FAM171A1: variants seen among roughly 807,000 people sequenced by gnomAD.
The protein encoded by FAM171A1 is family with sequence similarity 171 member A1.
A neutral mutation model predicts 74.9 loss-of-function variants in FAM171A1; 23 were observed. That is an observed-to-expected ratio of 0.31 (90% CI 0.22 to 0.44). FAM171A1 has a LOEUF of 0.44. Ranked by LOEUF, FAM171A1 falls within the 20% of genes least tolerant of loss-of-function variation. The pLI is 1.00. For synonymous variants in FAM171A1, 527 were observed against 505.7 expected (o/e 1.04, Z -0.57); for missense variants, 1,162 against 1,159.2 (o/e 1.00, Z -0.03).
intron 4 of FAM171A1, among the ~76,000 whole-genome samples, chr10:15,251,402 A>ATT (rs1258921347): frequency 9.9e-4 from 131 of 132,472 alleles, no homozygotes; most frequent in South Asian, 3.4e-3. Context: ...TTCTGCAACG[A>ATT]TTTTTTTTTT....
At chr10:15,291,227 A>G (rs866142361) in intron 1 of FAM171A1, among the ~76,000 whole-genome samples, 1 of 152,176 alleles carries the variant, frequency 6.6e-6, no homozygotes, top group Admixed American at 6.5e-5. Context: ...AATTCAATTT[A>G]TAACTGTGAG....
rs763867540 is a variant in FAM171A1, at chr10:15,213,563, G to A, written c.2025C>T (p.Asp675=). ...ESLSIPASLN[D]AALAQMNSEV... ...CACTGTTCATCTGAGCCAAAGCCGC[G>A]TCGTTCAGGGAAGCTGGGATGGAGA... The change falls in exon 8 of 8, where the codon GAC becomes GAT. Residue 675 remains aspartate (D), a synonymous_variant. Transcript: ENST00000378116. The surrounding 1 kb of genome is among the most constrained non-coding windows in gnomAD (Gnocchi z 6.8). 7.4e-6 allele frequency: 12 copies of A among 1,614,044 alleles called. No homozygotes were observed. The highest frequency in any genetic ancestry group is 3.3e-5 in the Admixed American group (2 of 60,012).
At chr10:15,229,527 CT>C (rs71390022) in intron 5 of FAM171A1, among the ~76,000 whole-genome samples, 35,770 of 129,812 alleles carry the variant, frequency 0.28, 5,356 homozygotes, top group Non-Finnish European at 0.32. Context: ...TGTCACCCCC[CT>C]CACCATCATC....
intron 2 of FAM171A1, among the ~76,000 whole-genome samples, chr10:15,282,590 A>C (rs1401439941): frequency 6.6e-6 from 1 of 152,162 alleles, no homozygotes; most frequent in Non-Finnish European, 1.5e-5. Flanking sequence ...ACGACAATTG[A>C]CTGATGGGCT....
At chr10:15,349,288 C>G (rs1835852262) in intron 1 of FAM171A1, among the ~76,000 whole-genome samples, 1 of 152,200 alleles carries the variant, frequency 6.6e-6, no homozygotes, top group Admixed American at 6.5e-5. Context: ...CCACCTGGAA[C>G]AGCAATCTTG....
At chr10:15,330,710 CTTCTTTTTTT>C (rs1179154288) in intron 1 of FAM171A1, among the ~76,000 whole-genome samples, 1 of 69,514 alleles carries the variant, frequency 1.4e-5, no homozygotes, top group Non-Finnish European at 2.9e-5. Context: ...TTTTCTTCTT[CTTCTTTTTTT>C]TTTTTTTTTT....
intron 5 of FAM171A1, chr10:15,241,377 T>A (rs979973963): frequency 2.0e-5 from 3 of 152,206 alleles, no homozygotes; most frequent in African/African-American, 7.2e-5. Flanking sequence ...TAAATTTTTT[T>A]ATTTTTTTCT....
rs1467055457 is a variant in FAM171A1 at position 15,246,303 on chromosome 10, T to C, written c.754+2336A>G. ...AATCAATGCATTCCACACAAATAAT[T>C]ACAGTGTCTCTATTAATTATTTGGA... On this transcript the variant is annotated intron_variant, in intron 5 of 7. Transcript: ENST00000378116. Among the ~76,000 whole-genome samples, 7 of 152,266 alleles carry C rather than the reference T, an allele frequency of 4.6e-5. No individual in the cohort carries two copies. In the East Asian group the frequency reaches 9.6e-4, roughly 21 times the overall value.
chr10:15,298,320 G>T (rs964693889), intron 1 of FAM171A1, among the ~76,000 whole-genome samples: 1 of 152,064 alleles, frequency 6.6e-6, no homozygotes, highest in Non-Finnish European at 1.5e-5. Context: ...TTTTAGTAGG[G>T]ACAGGGTTTC....
chr10:15,242,311 T>C (rs1487731837), intron 5 of FAM171A1, among the ~76,000 whole-genome samples: 2 of 152,188 alleles, frequency 1.3e-5, no homozygotes, highest in East Asian at 1.9e-4. Context: ...CTATTGAGTA[T>C]AATAAGTGAA....
chr10:15,343,638 C>T (rs1027527282), intron 1 of FAM171A1, among the ~76,000 whole-genome samples: 3 of 151,918 alleles, frequency 2.0e-5, no homozygotes, highest in African/African-American at 4.8e-5. Flanking sequence ...GGCAGGGTGG[C>T]GAAGGAGTGA....
intron 1 of FAM171A1, among the ~76,000 whole-genome samples, chr10:15,351,576 G>GATGGATGGATGGATGGATGA (rs1835877823): frequency 6.6e-6 from 1 of 150,674 alleles, no homozygotes; most frequent in Non-Finnish European, 1.5e-5. Flanking sequence ...ACGATGGATG[G>GATGGATGGATGGATGGATGA]ATGGATGGAT....
Position 15,284,014 on chromosome 10 carries a change from T to C in FAM171A1, c.189A>G (p.Ile63Met). The part of the protein sequence containing the change: ...LIEIFTNQAS[I>M]ASGTSGTDGV... ...CATCAGTCCCCGAGGTGCCAGAGGC[T>C]ATGGAGGCCTGGTTGGTGAAGATCT... Residue 63 changes from isoleucine (I) to methionine (M), a missense_variant, in exon 2 of 8, where the codon ATA becomes ATG. Transcript: ENST00000378116. 1 of 1,614,126 alleles carries C rather than the reference T, an allele frequency of 6.2e-7. No individual in the cohort carries two copies. The highest frequency in any genetic ancestry group is 8.5e-7 in the Non-Finnish European group (1 of 1,180,024).
At chr10:15,366,238 GC>G (rs1378402560) in intron 1 of FAM171A1, among the ~76,000 whole-genome samples, 43 of 152,186 alleles carry the variant, frequency 2.8e-4, no homozygotes, top group African/African-American at 9.9e-4. Flanking sequence ...TCCTGCCTTA[GC>G]CTCCCGAGTA....
At chr10:15,288,892 G>A (rs555785524) in intron 1 of FAM171A1, among the ~76,000 whole-genome samples, 158 of 131,150 alleles carry the variant, frequency 1.2e-3, no homozygotes, top group Non-Finnish European at 1.9e-3. Context: ...GCACAGTCTC[G>A]GCTCACTGCA....
chr10:15,325,341 C>T (rs2131852228), intron 1 of FAM171A1, among the ~76,000 whole-genome samples: 1 of 152,212 alleles, frequency 6.6e-6, no homozygotes, highest in South Asian at 2.1e-4. Flanking sequence ...AACCTCGTCT[C>T]TACGAAAAAT....
intron 5 of FAM171A1, among the ~76,000 whole-genome samples, chr10:15,239,673 T>TATTACA (rs1834339525): frequency 1.3e-5 from 2 of 152,180 alleles, no homozygotes; most frequent in African/African-American, 4.8e-5. Context: ...CACAATTGGA[T>TATTACA]CATTACATAT....
At chr10:15,290,016 T>G (rs1835084466) in intron 1 of FAM171A1, among the ~76,000 whole-genome samples, 1 of 152,020 alleles carries the variant, frequency 6.6e-6, no homozygotes, top group Non-Finnish European at 1.5e-5. Flanking sequence ...GGTCACGAGG[T>G]CAGGAGTTTG....
At chr10:15,277,860 T>A in intron 2 of FAM171A1, among the ~76,000 whole-genome samples, 1 of 152,076 alleles carries the variant, frequency 6.6e-6, no homozygotes, top group South Asian at 2.1e-4. Context: ...ACGTTCAAGC[T>A]ATCCTCCTGC....
Sources: allele counts gnomAD v4.1 joint callset (sites outside exome capture counted in the v4.1 genomes callset), GRCh38; gene constraint gnomAD v4.1.1; non-coding constraint Gnocchi (gnomAD v3.1); transcripts MANE v1.5; gene names NCBI Gene and HGNC (gene_info 2026-07-23, HGNC 2026-07-21).